The following ABCA13 variants were observed in gnomAD, a reference collection of about 807,000 sequenced individuals.
ABCA13 encodes the protein ATP binding cassette subfamily A member 13.
A neutral mutation model predicts 478.7 loss-of-function variants in ABCA13; 476 were observed. The ratio of observed to expected loss-of-function variants is 0.99; its 90% CI spans 0.92 to 1.07. The LOEUF (loss-of-function observed/expected upper bound fraction) is 1.07. Ranked by LOEUF, ABCA13 falls within the 50% of genes least tolerant of loss-of-function variation. ABCA13 has a pLI of 0.00. For missense variants in ABCA13, 6,060 were observed against 5,910.6 expected, an observed-to-expected ratio of 1.03 and a Z score of -0.83; for synonymous variants, 2,252 against 2,158.9, an observed-to-expected ratio of 1.04 and a Z score of -1.20.
rs1475379156 is a variant in ABCA13 at position 48,624,229 on chromosome 7, G to A, written c.14837+8852G>A. On this transcript the variant is annotated intron_variant, in intron 59 of 61. Coordinates refer to ENST00000435803, the MANE Select transcript of ABCA13 (RefSeq NM_152701.5). ...TTAGGGATGCATCCTCAAATCCTCT[G>A]CATGTCATAAATTGAGCACATAATG... 2.0e-5 allele frequency among the ~76,000 whole-genome samples: 3 copies of A among 152,100 alleles called. No homozygotes were observed. The East Asian group carries it at 5.8e-4, about 29-fold the overall frequency.
rs189514172 is a variant in ABCA13 at position 48,520,351 on chromosome 7, G to A, written c.14051+57G>A. 5.3e-6 allele frequency: 8 copies of A among 1,511,700 alleles called. No homozygotes were observed. In the South Asian group the frequency reaches 1.1e-4, roughly 21 times the overall value. The allele number at this position is 1,511,700 out of a possible 1,614,324, so 93.6% of individuals were successfully genotyped here. A position where few individuals can be genotyped will look rare whatever the true frequency, so the allele number is the denominator to read the frequency against. ...ACTTACTCCTGCAAAATGAGAGGAA[G>A]AGAAAAATTCATCCTGGAGGTTGTA... On this transcript the variant is annotated intron_variant, in intron 53 of 61. Coordinates refer to ENST00000435803, the MANE Select transcript of ABCA13 (RefSeq NM_152701.5).
chr7:48,479,775 C>A (rs2130511978), intron 45 of ABCA13, among the ~76,000 whole-genome samples: 1 of 152,248 alleles, frequency 6.6e-6, no homozygotes, highest in South Asian at 2.1e-4. Context: ...TTTTTAGTAT[C>A]TTTCCTCAAG....
At position 48,520,220 on chromosome 7, in the gene ABCA13, G is replaced by T. The variant is rs1167263903; in HGVS notation, c.13977G>T (p.Val4659=). Residue 4659 remains valine (V), a synonymous_variant, in exon 53 of 62, where the codon GTG becomes GTT. Coordinates refer to ENST00000435803, the MANE Select transcript of ABCA13 (RefSeq NM_152701.5). ...TGAACTTTCTGGGCTGGATCTTCGT[G>T]CAACTGGCCTCGCAGGGCACAGTAC... ...FEMNFLGWIF[V]QLASQGTVLL... is the part of the protein sequence containing the mutation. 8 of 1,613,494 alleles carry T rather than the reference G, an allele frequency of 5.0e-6. No individual in the cohort carries two copies. In the East Asian group the frequency reaches 1.8e-4, roughly 36 times the overall value.
At chr7:48,282,761 G>A (rs1480246022) in intron 19 of ABCA13, among the ~76,000 whole-genome samples, 1 of 152,174 alleles carries the variant, frequency 6.6e-6, no homozygotes, top group African/African-American at 2.4e-5. Context: ...TACCCTGTCT[G>A]GGGTCACATG....
intron 39 of ABCA13, among the ~76,000 whole-genome samples, chr7:48,407,219 A>G (rs1302117052): frequency 6.6e-6 from 1 of 152,104 alleles, no homozygotes; most frequent in Non-Finnish European, 1.5e-5. Flanking sequence ...TATGCCTGTA[A>G]TACCAGCACT....
Position 48,511,143 on chromosome 7 carries a change from A to T in ABCA13, c.13584A>T (p.Thr4528=), listed in dbSNP as rs1309384422. 1 of 1,613,426 alleles carries T rather than the reference A, an allele frequency of 6.2e-7. No homozygotes were observed. The highest frequency in any genetic ancestry group is 8.5e-7 in the Non-Finnish European group (1 of 1,179,670). ...CCGTTATTGTCGCCTTCCAGTTAAC[A>T]GCTTTTACTTTCCGCAAGAACTTGG... is the stretch of plus-strand genomic sequence containing the variant. ...CVAVIVAFQL[T]AFTFRKNLAA... is the part of the protein sequence containing the mutation. Residue 4528 remains threonine, a synonymous_variant, in exon 51 of 62, where the codon ACA becomes ACT. Coordinates refer to ENST00000435803, the MANE Select transcript of ABCA13 (RefSeq NM_152701.5).
chr7:48,495,981 A>C (rs1830239672), intron 48 of ABCA13, among the ~76,000 whole-genome samples: 1 of 152,058 alleles, frequency 6.6e-6, no homozygotes, highest in Non-Finnish European at 1.5e-5. Flanking sequence ...TTTTATTTCC[A>C]ACCTATCTCA....
chr7:48,403,001 T>C (rs926816467), intron 38 of ABCA13, among the ~76,000 whole-genome samples: 1 of 152,084 alleles, frequency 6.6e-6, no homozygotes, highest in Admixed American at 6.5e-5. Flanking sequence ...GCCACAGTGG[T>C]GAGGGAAGTT....
Position 48,354,603 on chromosome 7 carries a change from A to G in ABCA13, c.10688+2116A>G, listed in dbSNP as rs138775817. 4.3e-4 allele frequency among the ~76,000 whole-genome samples: 65 copies of G among 152,194 alleles called. 1 individual carries two copies. In the East Asian group the frequency reaches 0.013, roughly 29 times the overall value. ...AGTGGAATACCCAGGTATGATTCTGATCTCATGGAATTACCTCTCTTATTC... is the reference window on the plus strand; with the variant it reads ...AGTGGAATACCCAGGTATGATTCTGGTCTCATGGAATTACCTCTCTTATTC... On this transcript the variant is annotated intron_variant, in intron 31 of 61. Coordinates refer to ENST00000435803, the MANE Select transcript of ABCA13 (RefSeq NM_152701.5).
intron 59 of ABCA13, among the ~76,000 whole-genome samples, chr7:48,621,900 C>T (rs942217470): frequency 1.3e-5 from 2 of 152,172 alleles, no homozygotes; most frequent in African/African-American, 4.8e-5. Flanking sequence ...ACACCAACTG[C>T]CCCAATCCTG....
At chr7:48,604,909 T>C (rs1341431667) in intron 58 of ABCA13, among the ~76,000 whole-genome samples, 1 of 152,236 alleles carries the variant, frequency 6.6e-6, no homozygotes, top group Non-Finnish European at 1.5e-5. Flanking sequence ...ATCTGGGTGC[T>C]CCTGTGTTGG....
chr7:48,208,514 T>A, intron 3 of ABCA13, among the ~76,000 whole-genome samples: 1 of 151,738 alleles, frequency 6.6e-6, no homozygotes, highest in East Asian at 1.9e-4. Context: ...ATTGCAAGGA[T>A]TTTTTGCTTT....
intron 59 of ABCA13, among the ~76,000 whole-genome samples, chr7:48,641,694 C>T (rs1268564529): frequency 6.6e-6 from 1 of 152,146 alleles, no homozygotes. Flanking sequence ...TCCCCTCTGC[C>T]CTGGAACATA....
In ABCA13 at chr7:48,500,207, C is replaced by T. The variant is rs116256434; in HGVS notation, c.13292-6129C>T. On this transcript the variant is annotated intron_variant, in intron 48 of 61. Coordinates refer to ENST00000435803, the MANE Select transcript of ABCA13 (RefSeq NM_152701.5). ...CTTTATGAGACAGGGCATAGCTATC[C>T]TCTCTTTCTTTGGATCCATGAAGAG... 8.3e-3 allele frequency among the ~76,000 whole-genome samples: 1,258 copies of T among 152,276 alleles called. 13 individuals carry two copies. The highest frequency in any genetic ancestry group is 0.028 in the African/African-American group (1,183 of 41,550).
At chr7:48,529,066 G>A (rs1462813602) in intron 55 of ABCA13, among the ~76,000 whole-genome samples, 2 of 152,096 alleles carry the variant, frequency 1.3e-5, no homozygotes, top group Non-Finnish European at 1.5e-5. Context: ...GAACATTCAG[G>A]GCATGGTGCC....
Position 48,314,335 on chromosome 7 carries a change from T to A in ABCA13, c.9785T>A (p.Met3262Lys). ...DQASFLSDSN[M>K]FINLPRVKEL... ...GCATCATTCCTTAGCGATTCTAATA[T>A]GTTTATTAATTTGCCCAGAGTTAAG... The change falls in exon 26 of 62, where the codon ATG (methionine) becomes AAG (lysine). Residue 3262 changes from methionine to lysine, a missense_variant. Physicochemically the swap from Met to Lys is moderately conservative, Grantham distance 95. This residue lies in a region of ABCA13 where 4,423 missense variants were observed against 4,309.1 expected (regional missense o/e 1.03). Coordinates refer to ENST00000435803, the MANE Select transcript of ABCA13 (RefSeq NM_152701.5). 2.5e-6 allele frequency: 4 copies of A among 1,612,802 alleles called. No homozygotes were observed. The highest frequency in any genetic ancestry group is 2.5e-6 in the Non-Finnish European group (3 of 1,179,252).
At chr7:48,419,926 G>T (rs1270082521) in intron 41 of ABCA13, among the ~76,000 whole-genome samples, 1 of 152,184 alleles carries the variant, frequency 6.6e-6, no homozygotes, top group East Asian at 1.9e-4. Flanking sequence ...AGCCGTTTGA[G>T]AAAGGTATCT....
At position 48,501,156 on chromosome 7, in the gene ABCA13, A is replaced by G. The variant is rs563073220; in HGVS notation, c.13292-5180A>G. The stretch of plus-strand genomic sequence containing the variant: ...GTTGTCTTATAAAAGCTGGTGGTCA[A>G]TGTCCAGTGGAGGGAGGTGGGGAGT... On this transcript the variant is annotated intron_variant, in intron 48 of 61. Coordinates refer to ENST00000435803, the MANE Select transcript of ABCA13 (RefSeq NM_152701.5). Among the ~76,000 whole-genome samples, 15 of 152,266 alleles carry G rather than the reference A, an allele frequency of 9.9e-5. No homozygotes were observed. In the East Asian group the frequency reaches 2.7e-3, roughly 28 times the overall value.
chr7:48,349,228 T>A (rs2128977440), intron 29 of ABCA13, among the ~76,000 whole-genome samples: 1 of 152,296 alleles, frequency 6.6e-6, no homozygotes, highest in East Asian at 1.9e-4. Context: ...TCCCAAATCC[T>A]TACACTCATG....
Sources: gnomAD v4.1 joint callset for allele counts (sites outside exome capture counted in the v4.1 genomes callset) on GRCh38, gnomAD v4.1.1 for gene constraint, gnomAD v4.1.1 regional missense constraint, MANE v1.5 for transcripts, NCBI Gene and HGNC (gene_info 2026-07-23, HGNC 2026-07-21) for gene names.